The following SLC25A48 variants were observed in gnomAD, a reference collection of about 807,000 sequenced individuals.
SLC25A48 encodes CTC-321K16.1.
In SLC25A48, 29 loss-of-function variants were observed where a neutral mutation model predicts 32.2. The ratio of observed to expected loss-of-function variants is 0.90; its 90% CI spans 0.67 to 1.23. The LOEUF is 1.23. SLC25A48 is among the 50% of genes most tolerant of loss of function. SLC25A48 has a pLI of 0.00. For synonymous variants in SLC25A48, 164 were observed against 172.3 expected, an observed-to-expected ratio of 0.95 and a Z score of 0.38; for missense variants, 399 against 422.7, an observed-to-expected ratio of 0.94 and a Z score of 0.49.
intron 3 of SLC25A48, among the ~76,000 whole-genome samples, chr5:135,688,092 T>G (rs13170246): frequency 0.59 from 78,525 of 134,090 alleles, 21,288 homozygotes; most frequent in Non-Finnish European, 0.64. Context: ...TGATTTTCAC[T>G]ACTCTAAGTA....
rs146970369 is a variant in SLC25A48 at position 135,727,215 on chromosome 5, G to A, written c.-520-85308G>A. 6.9e-4 allele frequency among the ~76,000 whole-genome samples: 102 copies of A among 148,406 alleles called. 1 individual carries two copies. The East Asian group carries it at 0.017, about 25-fold the overall frequency. ...ATATATATATATATACGTGTGTATA[G>A]TAAAAATAATATAGATATATATGTA... On this transcript the variant is annotated intron_variant, in intron 3 of 10. Coordinates refer to the SLC25A48 transcript ENST00000646290.
chr5:135,706,371 C>A, intron 3 of SLC25A48, among the ~76,000 whole-genome samples: 1 of 152,192 alleles, frequency 6.6e-6, no homozygotes, highest in East Asian at 1.9e-4. Context: ...CAAATTCTGG[C>A]TCTGCTGGTC....
At chr5:135,644,197 A>T (rs1431394246) in intron 3 of SLC25A48, among the ~76,000 whole-genome samples, 3 of 152,054 alleles carry the variant, frequency 2.0e-5, no homozygotes, top group Admixed American at 6.5e-5. Context: ...AGAAAAAAAA[A>T]ACCCAGTAGG....
At chr5:135,832,225 G>A (rs1017462653), upstream of SLC25A48, among the ~76,000 whole-genome samples, 2 of 152,156 alleles carry the variant, frequency 1.3e-5, no homozygotes, top group African/African-American at 4.8e-5. Context: ...GTACGGGTGG[G>A]TGAGGGTCCA....
chr5:135,777,303 G>A (rs559833857), intron 3 of SLC25A48, among the ~76,000 whole-genome samples: 9 of 151,722 alleles, frequency 5.9e-5, no homozygotes, highest in Admixed American at 2.0e-4. Context: ...TATCGTAAAG[G>A]GTTTACAGCC....
intron 1 of SLC25A48, among the ~76,000 whole-genome samples, chr5:135,592,761 G>T (rs993936535): frequency 2.0e-5 from 3 of 152,146 alleles, no homozygotes; most frequent in African/African-American, 7.2e-5. Flanking sequence ...AAGTGAGGGC[G>T]CTGGGAACTT....
chr5:135,771,507 A>G (rs12186910), intron 3 of SLC25A48, among the ~76,000 whole-genome samples: 45,812 of 151,200 alleles, frequency 0.3, 7,086 homozygotes, highest in East Asian at 0.46. Flanking sequence ...CGTAATATCC[A>G]GGAAGTGGGG....
At chr5:135,848,128 C>G (rs1759564199) in intron 2 of SLC25A48, among the ~76,000 whole-genome samples, 2 of 152,314 alleles carry the variant, frequency 1.3e-5, no homozygotes, top group Admixed American at 1.3e-4. Context: ...GCTCAGCATG[C>G]CTGACAGACC....
chr5:135,680,622 G>A (rs145964035), intron 3 of SLC25A48, among the ~76,000 whole-genome samples: 3,050 of 152,298 alleles, frequency 0.02, 46 homozygotes, highest in Non-Finnish European at 0.028. Context: ...CATAGTGTCA[G>A]GCAAGAGAGT....
intron 3 of SLC25A48, among the ~76,000 whole-genome samples, chr5:135,765,267 T>C (rs949875926): frequency 6.6e-6 from 1 of 151,796 alleles, no homozygotes; most frequent in African/African-American, 2.4e-5. Flanking sequence ...TACACCCCCC[T>C]GTGATATGAT....
Position 135,818,054 on chromosome 5 carries a change from CCTCTCT to C in SLC25A48, c.-117+5188_-117+5193del, listed in dbSNP as rs58632457. Among the ~76,000 whole-genome samples the C allele has an allele frequency of 5.2e-3, 417 of 80,604 alleles. 4 individuals are homozygous for C. Among genetic ancestry groups the C allele is most frequent in the South Asian group, 0.012 (22 of 1,898 alleles). The allele number at this position is 80,604 out of a possible 152,430, so 52.9% of individuals were successfully genotyped here. On this transcript the variant is annotated intron_variant, in intron 4 of 10. Coordinates refer to the SLC25A48 transcript ENST00000646290. Reference sequence around the variant, plus strand: ...GTTTCCCAGGTTTGTTCTCTCTGTTCCTCTCTCTCTCTCTCTCTCTCTCTCTCTCTC... The same window carrying C: ...GTTTCCCAGGTTTGTTCTCTCTGTTCCTCTCTCTCTCTCTCTCTCTCTCTC...
intron 3 of SLC25A48, among the ~76,000 whole-genome samples, chr5:135,684,189 C>G (rs936086173): frequency 6.6e-6 from 1 of 152,154 alleles, no homozygotes; most frequent in Non-Finnish European, 1.5e-5. Context: ...CCCAACAACT[C>G]GGTTCTCAGA....
intron 1 of SLC25A48, among the ~76,000 whole-genome samples, chr5:135,591,385 G>T (rs917526): frequency 0.33 from 50,412 of 152,072 alleles, 9,253 homozygotes; most frequent in African/African-American, 0.49. Context: ...TGGATGTTCG[G>T]GGGATGGTCC....
chr5:135,769,399 T>C (rs1051337748), intron 3 of SLC25A48, among the ~76,000 whole-genome samples: 16 of 151,430 alleles, frequency 1.1e-4, no homozygotes, highest in African/African-American at 3.9e-4. Context: ...CACTCAGTGA[T>C]TTTGTTTGCA....
chr5:135,590,092 C>T (rs4976302), intron 1 of SLC25A48, among the ~76,000 whole-genome samples: 2 of 152,196 alleles, frequency 1.3e-5, no homozygotes, highest in Non-Finnish European at 2.9e-5. Context: ...CACCACATTT[C>T]TGGTGGTGCC....
intron 7 of SLC25A48, among the ~76,000 whole-genome samples, chr5:135,883,911 A>G (rs568082798): frequency 1.3e-5 from 2 of 152,276 alleles, no homozygotes; most frequent in Admixed American, 1.3e-4. Flanking sequence ...TTTTGCTGTT[A>G]TGTGGCTTGT....
chr5:135,814,855 A>G (rs760212410), intron 4 of SLC25A48, among the ~76,000 whole-genome samples: 7 of 152,214 alleles, frequency 4.6e-5, no homozygotes, highest in Admixed American at 1.3e-4. Flanking sequence ...GTCTCTGGGC[A>G]TGAAGGCCTA....
At chr5:135,619,661 T>C (rs1256143922) in intron 1 of SLC25A48, among the ~76,000 whole-genome samples, 1 of 152,224 alleles carries the variant, frequency 6.6e-6, no homozygotes, top group Non-Finnish European at 1.5e-5. Context: ...GACAACTGTT[T>C]CCTGAAGATG....
chr5:135,812,455 G>A (rs1050562760), intron 3 of SLC25A48: 1 of 152,154 alleles, frequency 6.6e-6, no homozygotes, highest in Admixed American at 6.5e-5. Flanking sequence ...GGTGATAGGT[G>A]GGATTGTGAG....
Sources: allele counts gnomAD v4.1 joint callset (sites outside exome capture counted in the v4.1 genomes callset), GRCh38; gene constraint gnomAD v4.1.1; transcripts MANE v1.5; gene names NCBI Gene and HGNC (gene_info 2026-07-23, HGNC 2026-07-21).